The following CCSER1 variants were observed in gnomAD, a reference collection of about 807,000 sequenced individuals.
CCSER1 encodes the protein serine-rich coiled-coil domain-containing protein 1.
Under a neutral mutation model 82.0 loss-of-function variants are expected in CCSER1, and 41 were observed. That is an observed-to-expected ratio of 0.50 (90% CI 0.39 to 0.65). CCSER1 has a LOEUF of 0.65. CCSER1 is among the 30% of genes least tolerant of loss of function. CCSER1 has a pLI of 0.00. For missense variants in CCSER1, 1,119 were observed against 1,064.2 expected (o/e 1.05, Z -0.72); for synonymous variants, 414 against 383.9 (o/e 1.08, Z -0.92).
At chr4:90,684,786 T>A (rs116342419) in intron 6 of CCSER1, among the ~76,000 whole-genome samples, 2,359 of 152,022 alleles carry the variant, frequency 0.016, 67 homozygotes, top group African/African-American at 0.054. Flanking sequence ...CTCGTGATAG[T>A]GAGTAAGTTT....
intron 9 of CCSER1, among the ~76,000 whole-genome samples, chr4:91,080,863 G>A (rs909997794): frequency 6.6e-6 from 1 of 151,996 alleles, no homozygotes; most frequent in Admixed American, 6.6e-5. Flanking sequence ...CAAGACTAAA[G>A]CAGGAAGAAG....
intron 10 of CCSER1, among the ~76,000 whole-genome samples, chr4:91,555,537 C>T (rs1490291188): frequency 1.3e-5 from 2 of 150,836 alleles, no homozygotes; most frequent in African/African-American, 4.9e-5. Context: ...AAGAGGAATA[C>T]AGTGAGGATA....
intron 7 of CCSER1, among the ~76,000 whole-genome samples, chr4:90,765,733 A>AAAAT (rs1056074023): frequency 1.3e-5 from 2 of 152,204 alleles, no homozygotes; most frequent in African/African-American, 4.8e-5. Flanking sequence ...ATAAACAAAG[A>AAAAT]AAATATACAA....
In CCSER1 at chr4:91,464,191, G is replaced by A. The variant is rs556453451; in HGVS notation, c.2218-134381G>A. 1.8e-4 allele frequency among the ~76,000 whole-genome samples: 21 copies of A among 114,248 alleles called. No homozygotes were observed. In the East Asian group the frequency reaches 4.7e-3, roughly 26 times the overall value. 75.0% of individuals were successfully genotyped at this position (114,248 alleles called of 152,430 possible). ...CTCTACAAGCCAGAAGAGAGTGGGG[G>A]CCAATATTCAACATTTTAAAGAAAA... On this transcript the variant is annotated intron_variant, in intron 10 of 10. Transcript: ENST00000509176.
chr4:90,301,424 A>G (rs925085647), intron 1 of CCSER1, among the ~76,000 whole-genome samples: 1 of 152,172 alleles, frequency 6.6e-6, no homozygotes, highest in Non-Finnish European at 1.5e-5. Flanking sequence ...GCTAAAGAAC[A>G]AAAGTACTGT....
rs182884690 is a variant in CCSER1, at chr4:91,507,455, G to A, written c.2218-91117G>A. ...TTTATTTATTTATTTTTTAGACAGA[G>A]TATCGCTCTGTTGCCCTGGCTGGAG... On this transcript the variant is annotated intron_variant, in intron 10 of 10. Transcript: ENST00000509176. Among the ~76,000 whole-genome samples the A allele has an allele frequency of 1.7e-3, 256 of 152,028 alleles. 1 individual carries two copies. Among genetic ancestry groups the A allele is most frequent in the Middle Eastern group, 0.01 (3 of 294 alleles).
intron 10 of CCSER1, among the ~76,000 whole-genome samples, chr4:91,189,777 AT>A (rs1276236478): frequency 6.6e-6 from 1 of 152,054 alleles, no homozygotes; most frequent in Admixed American, 6.5e-5. Context: ...AGGTATATGG[AT>A]TTTTTTAATG....
At chr4:90,384,011 C>G (rs905087156) in intron 3 of CCSER1, among the ~76,000 whole-genome samples, 4 of 151,804 alleles carry the variant, frequency 2.6e-5, no homozygotes, top group Non-Finnish European at 2.9e-5. Context: ...AATCCTCCCA[C>G]CTTGACCTCC....
At chr4:90,139,314 C>G (rs1366404903) in intron 1 of CCSER1, among the ~76,000 whole-genome samples, 1 of 152,124 alleles carries the variant, frequency 6.6e-6, no homozygotes, top group Non-Finnish European at 1.5e-5. Flanking sequence ...GGGATATTTT[C>G]TGAACAGTTT....
chr4:90,961,509 A>C (rs1048981754), intron 9 of CCSER1, among the ~76,000 whole-genome samples: 2 of 152,146 alleles, frequency 1.3e-5, no homozygotes, highest in African/African-American at 4.8e-5. Context: ...AAATAGAATA[A>C]TATGTTGAAA....
chr4:90,661,833 A>G (rs920815147), intron 6 of CCSER1, among the ~76,000 whole-genome samples: 4 of 152,090 alleles, frequency 2.6e-5, no homozygotes, highest in Non-Finnish European at 4.4e-5. Context: ...ACACAATTCC[A>G]CAAGTATCAG....
chr4:90,273,837 G>A (rs1040230959), intron 1 of CCSER1, among the ~76,000 whole-genome samples: 3 of 152,048 alleles, frequency 2.0e-5, no homozygotes, highest in Non-Finnish European at 2.9e-5. Context: ...GAAAGGAAGG[G>A]AAAGAAGCAC....
intron 10 of CCSER1, among the ~76,000 whole-genome samples, chr4:91,151,213 G>A (rs190170681): frequency 3.9e-5 from 6 of 151,914 alleles, no homozygotes; most frequent in East Asian, 1.9e-4. Context: ...TGCATTTGTC[G>A]AGGAATTTAT....
chr4:90,471,685 A>G (rs1339578577), intron 5 of CCSER1, among the ~76,000 whole-genome samples: 3 of 151,930 alleles, frequency 2.0e-5, no homozygotes, highest in Non-Finnish European at 4.4e-5. Flanking sequence ...AAAAAAAAAT[A>G]CTAGATAGGG....
At chr4:90,170,476 A>G (rs957954455) in intron 1 of CCSER1, among the ~76,000 whole-genome samples, 11 of 149,280 alleles carry the variant, frequency 7.4e-5, no homozygotes, top group Non-Finnish European at 1.0e-4. Context: ...TTTCTGATTT[A>G]TTCTAATTAT....
At chr4:90,535,692 G>A (rs1172724968) in intron 5 of CCSER1, among the ~76,000 whole-genome samples, 5 of 151,956 alleles carry the variant, frequency 3.3e-5, no homozygotes, top group African/African-American at 1.2e-4. Flanking sequence ...ATACTGCCAG[G>A]CAAATAGTAG....
At chr4:90,261,193 G>A (rs1169593058) in intron 1 of CCSER1, among the ~76,000 whole-genome samples, 2 of 151,514 alleles carry the variant, frequency 1.3e-5, no homozygotes, top group East Asian at 3.9e-4. Flanking sequence ...TGTTTTATAG[G>A]CCCTGTGAGC....
chr4:91,160,481 A>G (rs2148975030), intron 10 of CCSER1, among the ~76,000 whole-genome samples: 2 of 152,334 alleles, frequency 1.3e-5, no homozygotes, highest in South Asian at 4.1e-4. Flanking sequence ...ACTGTCTTCT[A>G]CAGTGGTTGA....
chr4:90,645,308 T>A (rs1727359856), intron 6 of CCSER1, among the ~76,000 whole-genome samples: 3 of 152,168 alleles, frequency 2.0e-5, no homozygotes, highest in Admixed American at 1.3e-4. Context: ...TAAGAAATAT[T>A]CAAAAATGTT....
Sources: allele counts gnomAD v4.1 joint callset (sites outside exome capture counted in the v4.1 genomes callset), GRCh38; gene constraint gnomAD v4.1.1; transcripts MANE v1.5; gene names NCBI Gene and HGNC (gene_info 2026-07-23, HGNC 2026-07-21).